VWC2: variants seen among roughly 807,000 people sequenced by gnomAD.
VWC2 encodes the protein brorin.
In VWC2, 14 loss-of-function variants were observed where a neutral mutation model predicts 29.8. The observed-to-expected ratio is 0.47, with a 90% CI of 0.31 to 0.74. VWC2 has a LOEUF of 0.74. VWC2 is among the 30% of genes least tolerant of loss of function. The pLI is 0.05. For missense variants in VWC2, 457 were observed against 459.8 expected, an observed-to-expected ratio of 0.99 and a Z score of 0.05; for synonymous variants, 213 against 199.0, an observed-to-expected ratio of 1.07 and a Z score of -0.59.
chr7:49,872,774 G>A (rs1233821738), intron 3 of VWC2, among the ~76,000 whole-genome samples: 2 of 147,366 alleles, frequency 1.4e-5, no homozygotes, highest in Admixed American at 6.8e-5. Context: ...AAATTAGTCC[G>A]GTGTGGTGGC....
chr7:49,876,928 CA>C (rs1791436942), intron 3 of VWC2, among the ~76,000 whole-genome samples: 1 of 151,942 alleles, frequency 6.6e-6, no homozygotes, highest in Admixed American at 6.6e-5. Context: ...GCACTCCTGT[CA>C]GTGTCTTTGC....
At chr7:49,881,748 T>C (rs1195878000) in intron 3 of VWC2, among the ~76,000 whole-genome samples, 2 of 152,178 alleles carry the variant, frequency 1.3e-5, no homozygotes, top group Admixed American at 6.5e-5. Flanking sequence ...AGGCAATTCA[T>C]CTCTTTAATT....
chr7:49,808,522 A>C (rs1181291808), intron 3 of VWC2, among the ~76,000 whole-genome samples: 1 of 152,086 alleles, frequency 6.6e-6, no homozygotes, highest in African/African-American at 2.4e-5. Context: ...GCACTAGTGA[A>C]CTTGATCTGA....
intron 2 of VWC2, among the ~76,000 whole-genome samples, chr7:49,798,602 A>G (rs1242434653): frequency 2.6e-5 from 4 of 152,158 alleles, no homozygotes; most frequent in Non-Finnish European, 5.9e-5. Context: ...CTGTGTTGGA[A>G]TGAGGGTCCT....
rs756719218 is a variant in VWC2, at chr7:49,912,219, A to C, written c.*34A>C. 2.5e-6 allele frequency: 4 copies of C among 1,611,838 alleles called. No homozygotes were observed. In the Admixed American group the frequency reaches 6.7e-5, roughly 27 times the overall value. ...CAGAACACAAACTCTGACTTTTTCT[A>C]GAACATTTTACTGATGTGAACATTC... On this transcript the variant is annotated 3_prime_UTR_variant, in exon 4 of 4. Transcript: ENST00000340652.
At chr7:49,851,674 A>G (rs1264636198) in intron 3 of VWC2, among the ~76,000 whole-genome samples, 1 of 152,154 alleles carries the variant, frequency 6.6e-6, no homozygotes, top group Admixed American at 6.5e-5. Context: ...CCTGGCCAAC[A>G]TGGTGAAACC....
intron 3 of VWC2, among the ~76,000 whole-genome samples, chr7:49,872,517 T>A (rs1791200936): frequency 6.6e-6 from 1 of 150,526 alleles, no homozygotes; most frequent in Admixed American, 6.6e-5. Context: ...ATCTATGGCT[T>A]ACGGGGAATG....
chr7:49,792,952 G>A (rs978023960), intron 2 of VWC2, among the ~76,000 whole-genome samples: 12 of 152,174 alleles, frequency 7.9e-5, no homozygotes, highest in African/African-American at 2.9e-4. Context: ...GGCCTACCTG[G>A]GTCTCTAGAT....
chr7:49,864,307 C>A (rs1451194816), intron 3 of VWC2, among the ~76,000 whole-genome samples: 10 of 152,168 alleles, frequency 6.6e-5, no homozygotes, highest in Admixed American at 6.5e-4. Context: ...GTAGTCTCTG[C>A]AGAATTGTTC....
chr7:49,814,875 A>G (rs1381425256), intron 3 of VWC2, among the ~76,000 whole-genome samples: 1 of 152,202 alleles, frequency 6.6e-6, no homozygotes, highest in African/African-American at 2.4e-5. Flanking sequence ...ATGTGTGTCC[A>G]GAGGTCCTTG....
intron 2 of VWC2, among the ~76,000 whole-genome samples, chr7:49,776,730 T>C (rs1314486611): frequency 6.6e-6 from 1 of 152,216 alleles, no homozygotes; most frequent in Non-Finnish European, 1.5e-5. Context: ...AGTAGTAATG[T>C]TAATAATACC....
chr7:49,889,436 G>C (rs1792035813), intron 3 of VWC2, among the ~76,000 whole-genome samples: 1 of 152,186 alleles, frequency 6.6e-6, no homozygotes, highest in Admixed American at 6.5e-5. Flanking sequence ...TCAAATGTGG[G>C]GAAGTAGAGG....
At chr7:49,881,913 CAATT>C (rs1305907866) in intron 3 of VWC2, among the ~76,000 whole-genome samples, 1 of 151,612 alleles carries the variant, frequency 6.6e-6, no homozygotes, top group African/African-American at 2.4e-5. Context: ...ACTCAATTTC[CAATT>C]AATTAAAATT....
rs1793676731 is a variant in VWC2, at chr7:49,915,627, A to C, written c.*3442A>C. On this transcript the variant is annotated 3_prime_UTR_variant, in exon 4 of 4. Transcript: ENST00000340652. ...TTACAAAATATACACTGTTTCAAACAAGCATTGTTGGAAACTAAATCCATT... is the reference window on the plus strand; with the variant it reads ...TTACAAAATATACACTGTTTCAAACCAGCATTGTTGGAAACTAAATCCATT... 1 of 152,222 alleles carries C rather than the reference A, an allele frequency of 6.6e-6. No homozygotes were observed. 9.4% of individuals were successfully genotyped at this position (152,222 alleles called of 1,614,324 possible).
rs188606954 is a variant in VWC2, at chr7:49,906,572, G to A, written c.827-5462G>A. Among the ~76,000 whole-genome samples, 460 of 152,204 alleles carry A rather than the reference G, an allele frequency of 3.0e-3. 4 individuals are homozygous for A. The highest frequency in any genetic ancestry group is 3.6e-3 in the Non-Finnish European group (244 of 68,018). On this transcript the variant is annotated intron_variant, in intron 3 of 3. Coordinates refer to ENST00000340652, the MANE Select transcript of VWC2 (RefSeq NM_198570.5). ...AGGATGGTCTTGATCTCCTGACCTC[G>A]TGATCCACCCACCTTGGCCTCACAA...
At chr7:49,779,630 C>T (rs1302194449) in intron 2 of VWC2, among the ~76,000 whole-genome samples, 1 of 151,528 alleles carries the variant, frequency 6.6e-6, no homozygotes, top group Non-Finnish European at 1.5e-5. Context: ...CTGTTTTCTG[C>T]TTCCTACAGT....
At chr7:49,852,745 TAATC>T (rs1241058528) in intron 3 of VWC2, among the ~76,000 whole-genome samples, 2 of 152,102 alleles carry the variant, frequency 1.3e-5, no homozygotes, top group Admixed American at 1.3e-4. Flanking sequence ...GTGATCGTCT[TAATC>T]AACTTCTTCC....
In VWC2 at chr7:49,915,240, C is replaced by A. The variant is rs916001908; in HGVS notation, c.*3055C>A. ...GCATGCAAGAAGTATTAGATGCACT[C>A]CAGTCCAGGCAAGTCCTGCTATAAT... On this transcript the variant is annotated 3_prime_UTR_variant, in exon 4 of 4. Transcript: ENST00000340652. 6 of 152,172 alleles carry A rather than the reference C, an allele frequency of 3.9e-5. No homozygotes were observed. Among genetic ancestry groups the A allele is most frequent in the Non-Finnish European group, 8.8e-5 (6 of 68,022 alleles). 9.4% of individuals were successfully genotyped at this position (152,172 alleles called of 1,614,324 possible).
rs528790694 is a variant in VWC2, at chr7:49,775,966, G to C, written c.531G>C (p.Pro177=). Residue 177 remains proline (P), a synonymous_variant, in exon 2 of 4, where the codon CCG becomes CCC. Transcript: ENST00000340652. ...EKFAPGPSAC[P]CLCTEEGPLC... ...TCGCGCCGGGCCCCTCGGCCTGCCC[G>C]TGCCTGTGCACCGAGGAGGGGCCGC... The C allele has an allele frequency of 5.8e-6, 9 of 1,550,118 alleles. No homozygotes were observed. The South Asian group carries it at 8.3e-5, about 14-fold the overall frequency.
Sources: gnomAD v4.1 joint callset for allele counts (sites outside exome capture counted in the v4.1 genomes callset) on GRCh38, gnomAD v4.1.1 for gene constraint, MANE v1.5 for transcripts, NCBI Gene and HGNC (gene_info 2026-07-23, HGNC 2026-07-21) for gene names.